KCNH5: variants seen among roughly 807,000 people sequenced by gnomAD.
KCNH5 encodes the protein voltage-gated delayed rectifier potassium channel KCNH5.
In KCNH5, 46 loss-of-function variants were observed where a neutral mutation model predicts 96.1. That is an observed-to-expected ratio of 0.48 (90% CI 0.38 to 0.61). KCNH5 has a LOEUF of 0.61. Ranked by LOEUF, KCNH5 falls within the 20% of genes least tolerant of loss-of-function variation. KCNH5 has a pLI of 0.00. For synonymous variants in KCNH5, 439 were observed against 449.8 expected, an observed-to-expected ratio of 0.98 and a Z score of 0.30; for missense variants, 907 against 1,225.8, an observed-to-expected ratio of 0.74 and a Z score of 3.88.
intron 7 of KCNH5, among the ~76,000 whole-genome samples, chr14:62,947,100 T>C (rs571999648): frequency 2.0e-5 from 3 of 152,296 alleles, no homozygotes; most frequent in East Asian, 1.9e-4. Flanking sequence ...TAAGATGTAA[T>C]TATTGGAGGA....
chr14:62,885,807 T>G (rs920691682), intron 7 of KCNH5, among the ~76,000 whole-genome samples: 2 of 152,180 alleles, frequency 1.3e-5, no homozygotes, highest in African/African-American at 4.8e-5. Context: ...GAGTCATTAT[T>G]TATCATAATG....
intron 7 of KCNH5, among the ~76,000 whole-genome samples, chr14:62,938,704 A>G (rs1889731530): frequency 6.6e-6 from 1 of 152,232 alleles, no homozygotes; most frequent in African/African-American, 2.4e-5. Flanking sequence ...CACTTCACCT[A>G]CCAGGTGACA....
chr14:62,813,045 C>G (rs1347114688), intron 8 of KCNH5, among the ~76,000 whole-genome samples: 1 of 151,994 alleles, frequency 6.6e-6, no homozygotes, highest in African/African-American at 2.4e-5. Context: ...AACCTTGTAC[C>G]TATATCAGAT....
rs965972223 is a variant in KCNH5 at position 62,834,684 on chromosome 14, C to T, written c.1569+14969G>A. 2.0e-5 allele frequency among the ~76,000 whole-genome samples: 3 copies of T among 151,930 alleles called. No homozygotes were observed. The South Asian group carries it at 6.2e-4, about 32-fold the overall frequency. On this transcript the variant is annotated intron_variant, in intron 8 of 10. Coordinates refer to ENST00000322893, the MANE Select transcript of KCNH5 (RefSeq NM_139318.5). ...CTGAAGGCCAAATTGGACTCATCAT[C>T]GGTATTTGTACAGCCACTGAGTATA... is the stretch of plus-strand genomic sequence containing the variant.
At chr14:62,851,593 C>A in intron 7 of KCNH5, among the ~76,000 whole-genome samples, 1 of 148,490 alleles carries the variant, frequency 6.7e-6, no homozygotes, top group Admixed American at 6.7e-5. Context: ...ATAAGGTTAA[C>A]AAATTAATGA....
intron 10 of KCNH5, among the ~76,000 whole-genome samples, chr14:62,750,514 G>T (rs1238910106): frequency 6.6e-6 from 1 of 152,176 alleles, no homozygotes; most frequent in Non-Finnish European, 1.5e-5. Context: ...CTTTAATGCT[G>T]CTGCCTTAGC....
chr14:62,971,273 C>T (rs769628381), intron 6 of KCNH5, among the ~76,000 whole-genome samples: 15 of 152,016 alleles, frequency 9.9e-5, no homozygotes, highest in Non-Finnish European at 1.5e-4. Context: ...TACTTTAGCC[C>T]TCCCCAAAAT....
chr14:62,968,799 T>C (rs919636266), intron 6 of KCNH5, among the ~76,000 whole-genome samples: 2 of 152,210 alleles, frequency 1.3e-5, no homozygotes, highest in African/African-American at 2.4e-5. Context: ...AGACAGAGTG[T>C]CTGCTTTGGA....
At chr14:62,755,995 TA>T (rs1885615206) in intron 10 of KCNH5, among the ~76,000 whole-genome samples, 1 of 151,602 alleles carries the variant, frequency 6.6e-6, no homozygotes, top group South Asian at 2.1e-4. Flanking sequence ...GATCCACAGC[TA>T]GTACTATACC....
chr14:62,804,402 T>C (rs894991484), intron 8 of KCNH5, among the ~76,000 whole-genome samples: 2 of 152,202 alleles, frequency 1.3e-5, no homozygotes, highest in African/African-American at 4.8e-5. Flanking sequence ...AGTCATTCTA[T>C]AGGCACTTAC....
At chr14:62,799,722 T>TACACAC (rs1377411964) in intron 9 of KCNH5, among the ~76,000 whole-genome samples, 1 of 109,794 alleles carries the variant, frequency 9.1e-6, no homozygotes, top group African/African-American at 3.5e-5. Context: ...TATATATATA[T>TACACAC]ATATACACAC....
chr14:62,759,249 A>G (rs1317996979), intron 10 of KCNH5, among the ~76,000 whole-genome samples: 2 of 151,896 alleles, frequency 1.3e-5, no homozygotes, highest in Non-Finnish European at 2.9e-5. Flanking sequence ...GCTGTTTTTG[A>G]CAAGCTGAAG....
chr14:63,016,817 A>G lies in KCNH5; in HGVS notation c.197+14T>C, dbSNP rs775038161. 6.2e-7 allele frequency: 1 copy of G among 1,602,302 alleles called. No homozygotes were observed. Among genetic ancestry groups the G allele is most frequent in the Non-Finnish European group, 8.5e-7 (1 of 1,175,822 alleles). On this transcript the variant is annotated intron_variant, in intron 2 of 10. Transcript: ENST00000322893. ...AAATTTCAGAAAAGATTACTTAGCT[A>G]TTCTGTTACCTACCTGCAAGTGCTG...
intron 6 of KCNH5, among the ~76,000 whole-genome samples, chr14:62,961,630 C>T (rs1004358436): frequency 5.3e-5 from 8 of 152,132 alleles, no homozygotes; most frequent in Non-Finnish European, 5.9e-5. Context: ...GTGAATTTGT[C>T]AGGGCTCTCC....
chr14:62,840,335 C>T (rs2140036216), intron 8 of KCNH5, among the ~76,000 whole-genome samples: 1 of 151,938 alleles, frequency 6.6e-6, no homozygotes, highest in East Asian at 1.9e-4. Context: ...AAGAAAATGC[C>T]TCCTGAAGGT....
At position 62,981,264 on chromosome 14, in the gene KCNH5, C is replaced by A; in HGVS notation, c.550G>T (p.Val184Phe). The change falls in exon 6 of 11, where the codon GTT becomes TTT. Residue 184 changes from valine to phenylalanine, a missense_variant and splice_region_variant. By Grantham distance (50) the Val-to-Phe change is conservative. This residue lies in a region of KCNH5 where 370 missense variants were observed against 561.3 expected (regional missense o/e 0.66). Coordinates refer to ENST00000322893, the MANE Select transcript of KCNH5 (RefSeq NM_139318.5). ...VVHKHSRLAE[V>F]LQLGSDILPQ... ...AGGATATCTGATCCCAGCTGAAGAACCTAAAAGAGAGAAAATGTATTTATA... is the reference window on the plus strand; with the variant it reads ...AGGATATCTGATCCCAGCTGAAGAAACTAAAAGAGAGAAAATGTATTTATA... 6.2e-7 allele frequency: 1 copy of A among 1,613,676 alleles called. No individual in the cohort carries two copies. Among genetic ancestry groups the A allele is most frequent in the South Asian group, 1.1e-5 (1 of 91,036 alleles).
In KCNH5 at chr14:63,045,191, G is replaced by C; in HGVS notation, c.-5C>G. The C allele has an allele frequency of 6.2e-7, 1 of 1,612,888 alleles. No homozygotes were observed. Among genetic ancestry groups the C allele is most frequent in the Non-Finnish European group, 8.5e-7 (1 of 1,179,766 alleles). On this transcript the variant is annotated 5_prime_UTR_variant, in exon 1 of 11. Coordinates refer to ENST00000322893, the MANE Select transcript of KCNH5 (RefSeq NM_139318.5). Reference sequence around the variant, plus strand: ...CCCTCTCTTGCCCCCCGGCATCCTGGGTCTGGAGAGCAGCGGCCAGGATCC... The same window carrying C: ...CCCTCTCTTGCCCCCCGGCATCCTGCGTCTGGAGAGCAGCGGCCAGGATCC...
intron 7 of KCNH5, among the ~76,000 whole-genome samples, chr14:62,880,983 G>A (rs566760816): frequency 3.9e-5 from 6 of 152,326 alleles, no homozygotes; most frequent in African/African-American, 1.4e-4. Context: ...CACAGAGGGA[G>A]AAAAGAATGC....
intron 1 of KCNH5, among the ~76,000 whole-genome samples, chr14:63,021,568 C>T (rs1302560549): frequency 6.6e-6 from 1 of 152,118 alleles, no homozygotes; most frequent in Non-Finnish European, 1.5e-5. Context: ...CTCTGGCTGC[C>T]ACCGTATCTG....
Sources: allele counts gnomAD v4.1 joint callset (sites outside exome capture counted in the v4.1 genomes callset), GRCh38; gene constraint gnomAD v4.1.1; regional missense constraint gnomAD v4.1.1; transcripts MANE v1.5; gene names NCBI Gene and HGNC (gene_info 2026-07-23, HGNC 2026-07-21).